Variants in MCM9 observed in about 807,000 individuals in gnomAD.
MCM9 encodes the protein DNA helicase MCM9.
In MCM9, 55 loss-of-function variants were observed where a neutral mutation model predicts 72.8. That is an observed-to-expected ratio of 0.76 (90% CI 0.61 to 0.95). The LOEUF is 0.95. Among genes scored for constraint, MCM9 ranks in the 40% least tolerant of loss-of-function variants. MCM9 has a pLI of 0.00. For synonymous variants in MCM9, 480 were observed against 503.4 expected, an observed-to-expected ratio of 0.95 and a Z score of 0.62; for missense variants, 1,279 against 1,377.0, an observed-to-expected ratio of 0.93 and a Z score of 1.13.
intron 8 of MCM9, among the ~76,000 whole-genome samples, chr6:118,863,843 T>C (rs778528249): frequency 6.6e-6 from 1 of 152,146 alleles, no homozygotes; most frequent in Non-Finnish European, 1.5e-5. Context: ...CATCCAGCAC[T>C]CTAAGAAATA....
intron 8 of MCM9, among the ~76,000 whole-genome samples, chr6:118,885,783 GA>G (rs1254243974): frequency 3.3e-5 from 5 of 152,094 alleles, no homozygotes; most frequent in Non-Finnish European, 5.9e-5. Context: ...TCTATAGAGA[GA>G]AAAGAGGGAG....
intron 8 of MCM9, among the ~76,000 whole-genome samples, chr6:118,870,166 T>C (rs1777502959): frequency 6.6e-6 from 1 of 152,196 alleles, no homozygotes; most frequent in Non-Finnish European, 1.5e-5. Flanking sequence ...ACCAGACATA[T>C]ACAGAACATT....
At chr6:118,894,476 G>T in intron 8 of MCM9, 1 of 1,537,162 alleles carries the variant, frequency 6.5e-7, no homozygotes. Flanking sequence ...TCTACAACCC[G>T]TTCCAGTTCG....
Position 118,814,686 on chromosome 6 carries a change from G to A in MCM9, c.*138C>T, listed in dbSNP as rs1258254305. On this transcript the variant is annotated 3_prime_UTR_variant, in exon 14 of 14. Transcript: ENST00000619706. Reference sequence around the variant, plus strand: ...ATGAAGATTAACCTGAAATTAGAAAGCCTTAAGGGGGAGCCAGTATTCAGA... The same window carrying A: ...ATGAAGATTAACCTGAAATTAGAAAACCTTAAGGGGGAGCCAGTATTCAGA... The A allele has an allele frequency of 1.2e-6, 1 of 802,924 alleles. No individual in the cohort carries two copies. The highest frequency in any genetic ancestry group is 2.8e-5 in the East Asian group (1 of 35,926). 49.7% of individuals were successfully genotyped at this position (802,924 alleles called of 1,614,324 possible).
chr6:118,891,390 G>C (rs1449882107), intron 8 of MCM9, among the ~76,000 whole-genome samples: 2 of 152,154 alleles, frequency 1.3e-5, no homozygotes, highest in Non-Finnish European at 2.9e-5. Context: ...GGTTGTTAGA[G>C]CTGCCATAAC....
At chr6:118,842,425 A>C (rs1775437365) in intron 9 of MCM9, among the ~76,000 whole-genome samples, 1 of 152,240 alleles carries the variant, frequency 6.6e-6, no homozygotes, top group Non-Finnish European at 1.5e-5. Context: ...CAAGTTATTC[A>C]AATGACTACA....
chr6:118,844,225 G>C (rs775593644), intron 9 of MCM9, among the ~76,000 whole-genome samples: 1 of 151,766 alleles, frequency 6.6e-6, no homozygotes, highest in Admixed American at 6.6e-5. Flanking sequence ...TTTGCATCAG[G>C]AAGATTAACT....
At chr6:118,865,541 C>T (rs1777165572) in intron 8 of MCM9, among the ~76,000 whole-genome samples, 1 of 152,180 alleles carries the variant, frequency 6.6e-6, no homozygotes, top group East Asian at 1.9e-4. Flanking sequence ...TCCATCTTCT[C>T]TCCAGAAGGG....
chr6:118,888,431 G>A (rs550862999), intron 8 of MCM9, among the ~76,000 whole-genome samples: 136 of 152,228 alleles, frequency 8.9e-4, no homozygotes, highest in Non-Finnish European at 1.7e-3. Flanking sequence ...AGCTTGCAGT[G>A]AGCCGAGATC....
intron 13 of MCM9, among the ~76,000 whole-genome samples, chr6:118,817,785 G>A (rs542816808): frequency 1.3e-5 from 2 of 152,176 alleles, no homozygotes; most frequent in African/African-American, 4.8e-5. Flanking sequence ...TTTCTCCACA[G>A]CCTAGCCACC....
At chr6:118,864,354 G>A (rs1190625055) in intron 8 of MCM9, among the ~76,000 whole-genome samples, 1 of 152,144 alleles carries the variant, frequency 6.6e-6, no homozygotes, top group Non-Finnish European at 1.5e-5. Context: ...CAGATTAAAA[G>A]TGAAAGGACA....
intron 9 of MCM9, among the ~76,000 whole-genome samples, chr6:118,855,514 TC>T (rs528565427): frequency 1.3e-5 from 2 of 151,780 alleles, no homozygotes; most frequent in South Asian, 4.1e-4. Flanking sequence ...TATCCTACTC[TC>T]CCCCCCTCCC....
chr6:118,852,074 A>G (rs572093643), intron 9 of MCM9, among the ~76,000 whole-genome samples: 69 of 152,326 alleles, frequency 4.5e-4, no homozygotes, highest in African/African-American at 1.6e-3. Flanking sequence ...GCTATATGGT[A>G]TAGCCTATTG....
At position 118,843,706 on chromosome 6, in the gene MCM9, A is replaced by G. The variant is rs1360349470; in HGVS notation, c.1325+12665T>C. ...TATATGTGTATATATATATATATGTATGTATATATATATGTATATATATAT... is the reference window on the plus strand; with the variant it reads ...TATATGTGTATATATATATATATGTGTGTATATATATATGTATATATATAT... On this transcript the variant is annotated intron_variant, in intron 9 of 13. Coordinates refer to ENST00000619706, the MANE Select transcript of MCM9 (RefSeq NM_017696.3). Among the ~76,000 whole-genome samples, 82 of 72,122 alleles carry G rather than the reference A, an allele frequency of 1.1e-3. 3 individuals are homozygous for G. The highest frequency in any genetic ancestry group is 5.0e-3 in the African/African-American group (81 of 16,228). The allele number at this position is 72,122 out of a possible 152,430, so 47.3% of individuals were successfully genotyped here.
At chr6:118,868,157 G>C (rs981531195) in intron 8 of MCM9, among the ~76,000 whole-genome samples, 1 of 152,104 alleles carries the variant, frequency 6.6e-6, no homozygotes, top group African/African-American at 2.4e-5. Flanking sequence ...TTACAGGTGT[G>C]AGCCACTGCA....
intron 8 of MCM9, chr6:118,900,623 A>G: frequency 1.6e-6 from 1 of 638,290 alleles, no homozygotes; most frequent in Non-Finnish European, 2.8e-6. Context: ...CTTTATAAGG[A>G]GCATTTCACT....
At chr6:118,849,492 T>G (rs146326031) in intron 9 of MCM9, among the ~76,000 whole-genome samples, 2,563 of 151,716 alleles carry the variant, frequency 0.017, 30 homozygotes, top group Non-Finnish European at 0.023. Context: ...ATACAGAATA[T>G]AATTCCTGAA....
chr6:118,850,290 A>G (rs907317229), intron 9 of MCM9, among the ~76,000 whole-genome samples: 4 of 151,908 alleles, frequency 2.6e-5, no homozygotes, highest in African/African-American at 2.4e-5. Flanking sequence ...TGGTGTTGAT[A>G]TAATATTTCT....
At chr6:118,816,702 T>C (rs981932198) in intron 13 of MCM9, among the ~76,000 whole-genome samples, 4 of 152,202 alleles carry the variant, frequency 2.6e-5, no homozygotes, top group African/African-American at 9.7e-5. Flanking sequence ...GCTGACCAAG[T>C]AGGTTGTTGG....
Sources: gnomAD v4.1 joint callset for allele counts (sites outside exome capture counted in the v4.1 genomes callset) on GRCh38, gnomAD v4.1.1 for gene constraint, MANE v1.5 for transcripts, NCBI Gene and HGNC (gene_info 2026-07-23, HGNC 2026-07-21) for gene names.